SLC19A3: variants seen among roughly 807,000 people sequenced by gnomAD.
SLC19A3 encodes the protein thiamine transporter 2.
SLC19A3 carries 31 observed loss-of-function variants against 40.2 expected under a neutral mutation model. The ratio of observed to expected loss-of-function variants is 0.77; its 90% CI spans 0.58 to 1.04. SLC19A3 has a LOEUF of 1.04. Among genes scored for constraint, SLC19A3 ranks in the 50% least tolerant of loss-of-function variants. The pLI is 0.00. For synonymous variants in SLC19A3, 212 were observed against 227.5 expected, an observed-to-expected ratio of 0.93 and a Z score of 0.61; for missense variants, 592 against 596.7, an observed-to-expected ratio of 0.99 and a Z score of 0.08.
rs1217599776 is a variant in SLC19A3 at position 227,686,192 on chromosome 2, C to T, written c.*1205G>A. On this transcript the variant is annotated 3_prime_UTR_variant, in exon 6 of 6. Transcript: ENST00000644224. ...AGCCTGGGTGAGAGAGCGAGACTGT[C>T]TCAAAAACCAAAACAAAACAAAATC... 4.6e-6 allele frequency: 2 copies of T among 433,112 alleles called. No individual in the cohort carries two copies. The highest frequency in any genetic ancestry group is 2.5e-5 in the Admixed American group (1 of 39,510). The allele number at this position is 433,112 out of a possible 1,614,324, so 26.8% of individuals were successfully genotyped here. A position where few individuals can be genotyped will look rare whatever the true frequency, so the allele number is the denominator to read the frequency against.
At chr2:227,716,351 C>T (rs1696335469) in intron 1 of SLC19A3, among the ~76,000 whole-genome samples, 1 of 152,122 alleles carries the variant, frequency 6.6e-6, no homozygotes, top group Non-Finnish European at 1.5e-5. Flanking sequence ...ACAGACTCAT[C>T]AGTTTCGTCA....
intron 1 of SLC19A3, among the ~76,000 whole-genome samples, chr2:227,705,964 C>A: frequency 6.6e-6 from 1 of 151,934 alleles, no homozygotes; most frequent in Non-Finnish European, 1.5e-5. Flanking sequence ...GAGAGGATGA[C>A]TTTAGCCCAG....
chr2:227,711,667 T>C (rs1261252483), intron 1 of SLC19A3, among the ~76,000 whole-genome samples: 2 of 151,568 alleles, frequency 1.3e-5, no homozygotes, highest in African/African-American at 4.8e-5. Context: ...ATATTTGAAA[T>C]AATAAAAAGA....
rs1373661310 is a variant in SLC19A3 at position 227,687,482 on chromosome 2, T to A, written c.1406A>T (p.Asp469Val). The A allele has an allele frequency of 6.2e-7, 1 of 1,614,038 alleles. No homozygotes were observed. The highest frequency in any genetic ancestry group is 1.3e-5 in the African/African-American group (1 of 74,926). The change falls in exon 6 of 6, where the codon GAT (aspartate) becomes GTT (valine). Residue 469 changes from aspartate (D) to valine (V), a missense_variant. Coordinates refer to ENST00000644224, the MANE Select transcript of SLC19A3 (RefSeq NM_025243.4). ...YITYSTKSQK[D>V]VQSPAPSENP... ...CTCACTTGGAGCAGGGCTCTGTACA[T>A]CCTTCTGGGATTTGGTTGAGTAGGT...
intron 4 of SLC19A3, among the ~76,000 whole-genome samples, chr2:227,689,581 A>G (rs1327598395): frequency 1.3e-5 from 2 of 152,238 alleles, no homozygotes; most frequent in Non-Finnish European, 2.9e-5. Flanking sequence ...CATCAACACC[A>G]GACCTGTCCT....
rs762173287 is a variant in SLC19A3 at position 227,687,523 on chromosome 2, C to T, written c.1365G>A (p.Met455Ile). ...TTGAGTAGGTAATATACATGCTTCTCATTAGGAAAATTCCAGCAATTACTG... is the reference window on the plus strand; with the variant it reads ...TTGAGTAGGTAATATACATGCTTCTTATTAGGAAAATTCCAGCAATTACTG... ...YFAVIAGIFLMRSMYITYSTK... is the reference protein window; with the variant it reads ...YFAVIAGIFLIRSMYITYSTK... The change falls in exon 6 of 6, where the codon ATG (methionine) becomes ATA (isoleucine). Residue 455 changes from methionine (M) to isoleucine (I), a missense_variant. Physicochemically the swap from Met to Ile is conservative, Grantham distance 10. Coordinates refer to ENST00000644224, the MANE Select transcript of SLC19A3 (RefSeq NM_025243.4). 3.7e-6 allele frequency: 6 copies of T among 1,614,052 alleles called. No individual in the cohort carries two copies. Among genetic ancestry groups the T allele is most frequent in the Admixed American group, 1.7e-5 (1 of 60,006 alleles).
intron 1 of SLC19A3, among the ~76,000 whole-genome samples, chr2:227,715,569 G>A (rs543752328): frequency 5.3e-5 from 8 of 151,938 alleles, no homozygotes; most frequent in Non-Finnish European, 1.2e-4. Context: ...TATCATATAT[G>A]GTACCATTCC....
At chr2:227,692,339 A>T (rs1695263484) in intron 4 of SLC19A3, among the ~76,000 whole-genome samples, 1 of 152,260 alleles carries the variant, frequency 6.6e-6, no homozygotes, top group South Asian at 2.1e-4. Context: ...ATAATACATT[A>T]GAAAGATAAT....
In SLC19A3 at chr2:227,703,838, C is replaced by G. The variant is rs981064252; in HGVS notation, c.-2-1518G>C. Among the ~76,000 whole-genome samples, 1 of 152,190 alleles carries G rather than the reference C, an allele frequency of 6.6e-6. No individual in the cohort carries two copies. Among genetic ancestry groups the G allele is most frequent in the Non-Finnish European group, 1.5e-5 (1 of 68,034 alleles). ...ACGGATTTGTTCTCTAAATCCAGGT[C>G]ATCATCTTCTCTGTGCATCTGAGAC... On this transcript the variant is annotated intron_variant, in intron 1 of 5. Transcript: ENST00000644224. This position sits in a 1 kb window ranked among gnomAD's most constrained non-coding sequence, Gnocchi z 4.7.
At position 227,688,150 on chromosome 2, in the gene SLC19A3, A is replaced by G. The variant is rs1269436638; in HGVS notation, c.1314+16T>C. The stretch of plus-strand genomic sequence containing the variant: ...TTTGAGGTTACCTAGTTGAAAACAG[A>G]AGTATTGCAGCTTACCTGAATGCTG... On this transcript the variant is annotated intron_variant, in intron 5 of 5. Transcript: ENST00000644224. The G allele has an allele frequency of 6.2e-7, 1 of 1,613,940 alleles. No individual in the cohort carries two copies. Among genetic ancestry groups the G allele is most frequent in the East Asian group, 2.2e-5 (1 of 44,870 alleles).
chr2:227,704,943 C>T (rs1480979983), intron 1 of SLC19A3, among the ~76,000 whole-genome samples: 1 of 151,946 alleles, frequency 6.6e-6, no homozygotes. Flanking sequence ...TGCAGTGGCA[C>T]GATTTCAGCT....
Position 227,717,470 on chromosome 2 carries a change from G to C in SLC19A3, c.-3+473C>G, listed in dbSNP as rs183016158. Among the ~76,000 whole-genome samples, 37 of 152,270 alleles carry C rather than the reference G, an allele frequency of 2.4e-4. 1 individual carries two copies. The East Asian group carries it at 7.1e-3, about 29-fold the overall frequency. ...TCCTTTCCAGCAGTGTTTTTGTAAG[G>C]TGTAGTTGCGTTTTCTTTTAGTTTC... On this transcript the variant is annotated intron_variant, in intron 1 of 5. Transcript: ENST00000644224.
At chr2:227,717,452 C>T (rs1696372778) in intron 1 of SLC19A3, among the ~76,000 whole-genome samples, 1 of 152,144 alleles carries the variant, frequency 6.6e-6, no homozygotes, top group Admixed American at 6.5e-5. Context: ...GTATCCTTTC[C>T]AGCAGTGTTT....
chr2:227,700,264 C>T (rs993434469), intron 2 of SLC19A3, among the ~76,000 whole-genome samples: 3 of 151,894 alleles, frequency 2.0e-5, no homozygotes, highest in Non-Finnish European at 4.4e-5. Flanking sequence ...CCAGGCCAGG[C>T]ATGGTGGCTC....
intron 4 of SLC19A3, among the ~76,000 whole-genome samples, chr2:227,690,693 C>T (rs1485505661): frequency 3.9e-5 from 4 of 101,978 alleles, no homozygotes; most frequent in East Asian, 2.9e-4. Flanking sequence ...GGTGACAGAC[C>T]GAGACTCCAT....
Position 227,687,236 on chromosome 2 carries a change from A to G in SLC19A3, c.*161T>C. ...TCCAGTAAAATTGGTCACATAGAGA[A>G]CTCATCTAAAACTGAGGTTTTGTTG... is the stretch of plus-strand genomic sequence containing the variant. On this transcript the variant is annotated 3_prime_UTR_variant, in exon 6 of 6. Coordinates refer to ENST00000644224, the MANE Select transcript of SLC19A3 (RefSeq NM_025243.4). 1.5e-6 allele frequency: 1 copy of G among 674,740 alleles called. No homozygotes were observed. The highest frequency in any genetic ancestry group is 2.1e-5 in the South Asian group (1 of 48,456). The allele number at this position is 674,740 out of a possible 1,614,324, so 41.8% of individuals were successfully genotyped here. A position where few individuals can be genotyped will look rare whatever the true frequency, so the allele number is the denominator to read the frequency against.
At chr2:227,697,738 TCA>T (rs1282278769) in intron 3 of SLC19A3, among the ~76,000 whole-genome samples, 2 of 152,222 alleles carry the variant, frequency 1.3e-5, no homozygotes, top group Admixed American at 6.5e-5. Flanking sequence ...TCTTAGGGAT[TCA>T]ACTAGAATTT....
At chr2:227,702,121 C>G in intron 2 of SLC19A3, 48 bp downstream of exon 2, 1 of 1,500,392 alleles carries the variant, frequency 6.7e-7, no homozygotes. Context: ...GTTCAAGTCC[C>G]ATAAAATTTA....
chr2:227,693,264 A>T (rs539734523), intron 4 of SLC19A3, among the ~76,000 whole-genome samples: 48 of 152,038 alleles, frequency 3.2e-4, no homozygotes, highest in Non-Finnish European at 6.2e-4. Context: ...AAACAAAACA[A>T]AATGAAACAA....
Sources: allele counts gnomAD v4.1 joint callset (sites outside exome capture counted in the v4.1 genomes callset), GRCh38; gene constraint gnomAD v4.1.1; non-coding constraint Gnocchi (gnomAD v3.1); transcripts MANE v1.5; gene names NCBI Gene and HGNC (gene_info 2026-07-23, HGNC 2026-07-21).